The following NRG1 variants were observed in gnomAD, a reference collection of about 807,000 sequenced individuals.
The protein encoded by NRG1 is neuregulin 1, also known as pro-neuregulin-1, membrane-bound isoform.
Under a neutral mutation model 63.8 loss-of-function variants are expected in NRG1, and 18 were observed. The observed-to-expected ratio is 0.28, with a 90% confidence interval of 0.19 to 0.42. NRG1 has a LOEUF of 0.42. Among genes scored for constraint, NRG1 ranks in the 10% least tolerant of loss-of-function variants. NRG1 has a pLI of 1.00. For missense variants in NRG1, 762 were observed against 814.7 expected (o/e 0.94, Z 0.79); for synonymous variants, 302 against 301.3 (o/e 1.00, Z -0.02).
chr8:32,313,412 A>C (rs1008661059), intron 1 of NRG1, among the ~76,000 whole-genome samples: 2 of 152,166 alleles, frequency 1.3e-5, no homozygotes, highest in Non-Finnish European at 2.9e-5. Flanking sequence ...TTCTAGGAAG[A>C]AATTAGGTGC....
intron 1 of NRG1, among the ~76,000 whole-genome samples, chr8:31,709,335 C>T (rs1035706983): frequency 6.6e-6 from 1 of 151,872 alleles, no homozygotes; most frequent in Non-Finnish European, 1.5e-5. Flanking sequence ...TGGAATAAGT[C>T]ACATTTCATA....
intron 1 of NRG1, among the ~76,000 whole-genome samples, chr8:31,792,987 T>C (rs746139492): frequency 3.9e-5 from 6 of 152,244 alleles, no homozygotes; most frequent in Non-Finnish European, 8.8e-5. Flanking sequence ...TGTCCACAGG[T>C]AGTTTGAGAA....
intron 1 of NRG1, among the ~76,000 whole-genome samples, chr8:32,506,793 T>C (rs1210376750): frequency 6.6e-6 from 1 of 151,924 alleles, no homozygotes; most frequent in Non-Finnish European, 1.5e-5. Context: ...TGCGGGAGGA[T>C]CACTTGAGTC....
intron 1 of NRG1, among the ~76,000 whole-genome samples, chr8:32,397,197 A>G (rs971429972): frequency 3.3e-5 from 5 of 152,176 alleles, no homozygotes; most frequent in African/African-American, 1.2e-4. Flanking sequence ...TAATTTTTCT[A>G]TATATTTTCT....
intron 1 of NRG1, among the ~76,000 whole-genome samples, chr8:32,443,975 T>G (rs1268593978): frequency 1.3e-5 from 2 of 151,922 alleles, no homozygotes; most frequent in Non-Finnish European, 2.9e-5. Context: ...CAATACAATT[T>G]CCTCCCTTCC....
chr8:32,028,955 A>G (rs1817868857), intron 1 of NRG1, among the ~76,000 whole-genome samples: 1 of 152,162 alleles, frequency 6.6e-6, no homozygotes, highest in African/African-American at 2.4e-5. Flanking sequence ...AGCAGGATTC[A>G]TAATTTGTGT....
chr8:31,811,217 G>A (rs188352505), intron 1 of NRG1, among the ~76,000 whole-genome samples: 3 of 152,270 alleles, frequency 2.0e-5, no homozygotes, highest in East Asian at 1.9e-4. Flanking sequence ...TTGGCTGTGT[G>A]TATTGCTTGA....
At chr8:31,771,197 A>T (rs957843216) in intron 1 of NRG1, among the ~76,000 whole-genome samples, 34 of 152,194 alleles carry the variant, frequency 2.2e-4, no homozygotes, top group African/African-American at 8.2e-4. Context: ...AATCTCCATC[A>T]TTAAAAATTT....
intron 6 of NRG1, among the ~76,000 whole-genome samples, chr8:32,735,435 A>G (rs1824770982): frequency 6.6e-6 from 1 of 152,194 alleles, no homozygotes; most frequent in Non-Finnish European, 1.5e-5. Flanking sequence ...AAACGAATAC[A>G]CAATTTTGAA....
chr8:32,463,639 C>T (rs534803149), intron 1 of NRG1, among the ~76,000 whole-genome samples: 101 of 151,898 alleles, frequency 6.6e-4, no homozygotes, highest in Middle Eastern at 3.4e-3. Context: ...GCCAGGAGTT[C>T]GAGACCAGCC....
intron 1 of NRG1, among the ~76,000 whole-genome samples, chr8:32,155,094 T>TC (rs1282912566): frequency 2.6e-5 from 4 of 152,202 alleles, no homozygotes; most frequent in Admixed American, 2.6e-4. Context: ...CAGAAAGGGT[T>TC]CTTTTGGCTA....
intron 1 of NRG1, among the ~76,000 whole-genome samples, chr8:31,653,667 A>G (rs544526337): frequency 5.9e-5 from 9 of 152,338 alleles, no homozygotes; most frequent in African/African-American, 1.2e-4. Flanking sequence ...CTATGTGTGT[A>G]TGTGTGTTGT....
intron 1 of NRG1, among the ~76,000 whole-genome samples, chr8:32,094,941 C>T (rs1250342559): frequency 1.5e-5 from 2 of 137,670 alleles, no homozygotes; most frequent in African/African-American, 5.5e-5. Context: ...GAGATGGGGT[C>T]TCGCTCTGTC....
At chr8:32,440,231 G>T (rs1230290460) in intron 1 of NRG1, among the ~76,000 whole-genome samples, 3 of 152,086 alleles carry the variant, frequency 2.0e-5, no homozygotes, top group African/African-American at 7.2e-5. Context: ...TCTCCCACCA[G>T]GCACCTCCCC....
At chr8:32,048,075 G>A (rs1228006475) in intron 1 of NRG1, among the ~76,000 whole-genome samples, 1 of 151,726 alleles carries the variant, frequency 6.6e-6, no homozygotes, top group African/African-American at 2.4e-5. Flanking sequence ...GCAAATGAGA[G>A]GATTTCCTTC....
At chr8:32,155,631 G>A (rs920360507) in intron 1 of NRG1, among the ~76,000 whole-genome samples, 6 of 152,224 alleles carry the variant, frequency 3.9e-5, no homozygotes, top group East Asian at 3.9e-4. Context: ...CTGCATTGAC[G>A]CTTGTTCATC....
intron 1 of NRG1, among the ~76,000 whole-genome samples, chr8:32,343,062 G>A (rs1332652283): frequency 1.3e-5 from 2 of 152,144 alleles, no homozygotes; most frequent in Non-Finnish European, 2.9e-5. Context: ...AAAACAGTCT[G>A]TTCTAAAGAG....
intron 1 of NRG1, among the ~76,000 whole-genome samples, chr8:32,326,012 CTT>C (rs68070632): frequency 6.3e-4 from 88 of 138,978 alleles, no homozygotes; most frequent in Non-Finnish European, 7.6e-4. Flanking sequence ...TCAGATGTCA[CTT>C]TTTTTTTTTT....
intron 1 of NRG1, among the ~76,000 whole-genome samples, chr8:31,919,036 A>G (rs1296973983): frequency 6.6e-6 from 1 of 152,052 alleles, no homozygotes; most frequent in Non-Finnish European, 1.5e-5. Context: ...TTTCTGTGGG[A>G]TCAGTGGTGA....
Sources: gnomAD v4.1 joint callset for allele counts (sites outside exome capture counted in the v4.1 genomes callset) on GRCh38, gnomAD v4.1.1 for gene constraint, MANE v1.5 for transcripts, NCBI Gene and HGNC (gene_info 2026-07-23, HGNC 2026-07-21) for gene names.